The following ST6GALNAC1 variants were observed in gnomAD, a reference collection of about 807,000 sequenced individuals.
ST6GALNAC1 encodes the protein alpha-N-acetylgalactosaminide alpha-2,6-sialyltransferase 1.
In ST6GALNAC1, 45 loss-of-function variants were observed where a neutral mutation model predicts 56.8. The ratio of observed to expected loss-of-function variants is 0.79; its 90% CI spans 0.62 to 1.02. The LOEUF is 1.02. Ranked by LOEUF, ST6GALNAC1 falls within the 50% of genes least tolerant of loss-of-function variation. The probability of loss-of-function intolerance (pLI) is 0.00; values close to 1 mark genes in which losing one functional copy is unlikely to be tolerated. For missense variants in ST6GALNAC1, 743 were observed against 754.8 expected, an observed-to-expected ratio of 0.98 and a Z score of 0.18; for synonymous variants, 295 against 297.8, an observed-to-expected ratio of 0.99 and a Z score of 0.10.
At chr17:76,641,155 A>G (rs1023865242) in intron 1 of ST6GALNAC1, among the ~76,000 whole-genome samples, 1 of 152,180 alleles carries the variant, frequency 6.6e-6, no homozygotes, top group African/African-American at 2.4e-5. Context: ...CAATTGAGTA[A>G]CTGTCTTTGT....
chr17:76,642,060 A>C (rs963181292), intron 1 of ST6GALNAC1, among the ~76,000 whole-genome samples: 2 of 151,104 alleles, frequency 1.3e-5, no homozygotes, highest in Non-Finnish European at 2.9e-5. Flanking sequence ...ATATATACAT[A>C]TCTCTCATGC....
chr17:76,642,920 C>T (rs1221621703), intron 1 of ST6GALNAC1, among the ~76,000 whole-genome samples: 1 of 93,124 alleles, frequency 1.1e-5, no homozygotes, highest in Non-Finnish European at 2.0e-5. Flanking sequence ...GAGACTCCGT[C>T]TCAAAAAAAA....
rs1331837039 is a variant in ST6GALNAC1 at position 76,631,063 on chromosome 17, C to CTGTGTG, written c.132-1353_132-1352insCACACA. Among the ~76,000 whole-genome samples, 250 of 74,452 alleles carry CTGTGTG rather than the reference C, an allele frequency of 3.4e-3. 1 individual carries two copies. The highest frequency in any genetic ancestry group is 8.6e-3 in the African/African-American group (174 of 20,262). 48.8% of individuals were successfully genotyped at this position (74,452 alleles called of 152,430 possible). On this transcript the variant is annotated intron_variant, in intron 1 of 8. Coordinates refer to ENST00000156626, the MANE Select transcript of ST6GALNAC1 (RefSeq NM_018414.5). Reference sequence around the variant, plus strand: ...GCATGCACCACCATGCCCAGCTAATCTCTGTGTGTGTGTGTGTGTGTGTGT... The same window carrying CTGTGTG: ...GCATGCACCACCATGCCCAGCTAATCTGTGTGTCTGTGTGTGTGTGTGTGTGTGTGT...
At chr17:76,619,740 G>GTTTTTTTTTTT in the ST6GALNAC1 span, among the ~76,000 whole-genome samples, 2 of 101,586 alleles carry the variant, frequency 2.0e-5, no homozygotes, top group African/African-American at 7.8e-5. Context: ...AATAATGTTA[G>GTTTTTTTTTTT]TTTTTTTTTT....
chr17:76,629,920 T>A (rs2075868178), intron 1 of ST6GALNAC1, among the ~76,000 whole-genome samples: 1 of 151,476 alleles, frequency 6.6e-6, no homozygotes, highest in Admixed American at 6.6e-5. Flanking sequence ...GTAGCTGAGA[T>A]TACAGGCACC....
In ST6GALNAC1 at chr17:76,627,513, A is replaced by G; in HGVS notation, c.902T>C (p.Leu301Pro). ...LWLQKLFLPNLTLFLDSRHFN... is the reference protein window; with the variant it reads ...LWLQKLFLPNPTLFLDSRHFN... ...GTGTCTGGAGTCCAGGAAGAGAGTG[A>G]GGTTGGGCAGAAAGAGTTTCTGGAG... The change falls in exon 3 of 9, where the codon CTC becomes CCC. Residue 301 changes from leucine (L) to proline (P), a missense_variant. Transcript: ENST00000156626. This position sits in a 1 kb window ranked among gnomAD's most constrained non-coding sequence, Gnocchi z 4.4. The G allele has an allele frequency of 6.2e-7, 1 of 1,614,088 alleles. No individual in the cohort carries two copies. Among genetic ancestry groups the G allele is most frequent in the Non-Finnish European group, 8.5e-7 (1 of 1,179,990 alleles).
intron 1 of ST6GALNAC1, among the ~76,000 whole-genome samples, chr17:76,633,240 G>C (rs1179453322): frequency 1.3e-5 from 2 of 151,978 alleles, no homozygotes; most frequent in Non-Finnish European, 2.9e-5. Flanking sequence ...GCCAGGCGTG[G>C]TGGCTCACGC....
At chr17:76,630,620 C>T (rs1598297355) in intron 1 of ST6GALNAC1, among the ~76,000 whole-genome samples, 2 of 148,022 alleles carry the variant, frequency 1.4e-5, no homozygotes, top group South Asian at 4.3e-4. Flanking sequence ...GAGTCTGGCT[C>T]TGTCACCCAA....
Position 76,631,137 on chromosome 17 carries a change from T to C in ST6GALNAC1, c.132-1426A>G, listed in dbSNP as rs534469646. Among the ~76,000 whole-genome samples, 16 of 151,950 alleles carry C rather than the reference T, an allele frequency of 1.1e-4. No individual in the cohort carries two copies. The South Asian group carries it at 2.9e-3, about 28-fold the overall frequency. ...CACTTGTGTGTGTTTAGAGACTGGATCTCACTCTGTTACCCAGGCTGGTCT... is the reference window on the plus strand; with the variant it reads ...CACTTGTGTGTGTTTAGAGACTGGACCTCACTCTGTTACCCAGGCTGGTCT... On this transcript the variant is annotated intron_variant, in intron 1 of 8. Coordinates refer to ENST00000156626, the MANE Select transcript of ST6GALNAC1 (RefSeq NM_018414.5).
chr17:76,626,319 G>C lies in ST6GALNAC1; in HGVS notation c.1385C>G (p.Thr462Arg). ...EWLEALLMNQTVMSKNLFWFR... is the reference protein window; with the variant it reads ...EWLEALLMNQRVMSKNLFWFR... Reference sequence around the variant, plus strand: ...CCAGAAAAGGTTTTTTGACATCACCGTCTGATTCATAAGCAGTGCTTCCAG... The same window carrying C: ...CCAGAAAAGGTTTTTTGACATCACCCTCTGATTCATAAGCAGTGCTTCCAG... The change falls in exon 6 of 9, where the codon ACG becomes AGG. Residue 462 changes from threonine to arginine, a missense_variant. Physicochemically the swap from Thr to Arg is moderately conservative, Grantham distance 71 (BLOSUM62 -1). Transcript: ENST00000156626. 6.2e-7 allele frequency: 1 copy of C among 1,614,192 alleles called. No homozygotes were observed. Among genetic ancestry groups the C allele is most frequent in the Non-Finnish European group, 8.5e-7 (1 of 1,180,016 alleles).
chr17:76,617,810 A>G, the ST6GALNAC1 span, among the ~76,000 whole-genome samples: 1 of 152,144 alleles, frequency 6.6e-6, no homozygotes, highest in Non-Finnish European at 1.5e-5. Flanking sequence ...TGCTGGATGA[A>G]TAACTTCAGA....
Position 76,629,188 on chromosome 17 carries a change from C to T in ST6GALNAC1, c.655G>A (p.Val219Met), listed in dbSNP as rs369182233. 2.8e-5 allele frequency: 45 copies of T among 1,614,028 alleles called. No individual in the cohort carries two copies. The highest frequency in any genetic ancestry group is 3.6e-5 in the Non-Finnish European group (43 of 1,180,022). ...TTAGGTGGGATGACTGCTGTGGTCA[C>T]TCCTTTCTGTCTCGTCCTTGTTGAC... Reference protein sequence around the residue: ...AVSTRTRQKGVTTAVIPPKEK... With the variant: ...AVSTRTRQKGMTTAVIPPKEK... Residue 219 changes from valine (V) to methionine (M), a missense_variant, in exon 2 of 9, where the codon GTG (valine) becomes ATG (methionine). Physicochemically the swap from Val to Met is conservative, Grantham distance 21 (BLOSUM62 1). Coordinates refer to ENST00000156626, the MANE Select transcript of ST6GALNAC1 (RefSeq NM_018414.5).
chr17:76,642,193 T>C (rs893246591), intron 1 of ST6GALNAC1, among the ~76,000 whole-genome samples: 4 of 151,778 alleles, frequency 2.6e-5, no homozygotes, highest in South Asian at 2.1e-4. Context: ...TCTGCCTATC[T>C]CTCTATCTCT....
In ST6GALNAC1 at chr17:76,629,640, G is replaced by T; in HGVS notation, c.203C>A (p.Thr68Lys). 1 of 1,613,774 alleles carries T rather than the reference G, an allele frequency of 6.2e-7. No individual in the cohort carries two copies. Among genetic ancestry groups the T allele is most frequent in the South Asian group, 1.1e-5 (1 of 91,062 alleles). ...SLAKPKSQAPTRARRTTIYAE... is the reference protein window; with the variant it reads ...SLAKPKSQAPKRARRTTIYAE... ...ATAGATGGTTGTCCTCCTTGCCCTT[G>T]TGGGTGCCTGGGACTTAGGCTTTGC... is the stretch of plus-strand genomic sequence containing the variant. The change falls in exon 2 of 9, where the codon ACA becomes AAA. Residue 68 changes from threonine (T) to lysine (K), a missense_variant. Transcript: ENST00000156626.
chr17:76,625,437 T>C lies in ST6GALNAC1; in HGVS notation c.1696A>G (p.Asn566Asp), dbSNP rs1387822198. 2.2e-5 allele frequency: 35 copies of C among 1,614,156 alleles called. No homozygotes were observed. The highest frequency in any genetic ancestry group is 2.9e-5 in the Non-Finnish European group (34 of 1,180,030). ...TCTCTCTCCAGCTTGAAGTCATGGT[T>C]TATGTAAAAGATCAGCCGCTTCCAT... ...TSWKRLIFYI[N>D]HDFKLEREVW... The change falls in exon 9 of 9, where the codon AAC becomes GAC. Residue 566 changes from asparagine (N) to aspartate (D), a missense_variant. By Grantham distance (23) the Asn-to-Asp change is conservative. Coordinates refer to ENST00000156626, the MANE Select transcript of ST6GALNAC1 (RefSeq NM_018414.5).
chr17:76,633,056 A>G (rs1271035330), intron 1 of ST6GALNAC1, among the ~76,000 whole-genome samples: 1 of 149,906 alleles, frequency 6.7e-6, no homozygotes, highest in African/African-American at 2.5e-5. Flanking sequence ...AAATGCAAAA[A>G]AAATTAGTTT....
intron 1 of ST6GALNAC1, chr17:76,637,397 C>T (rs2075992377): frequency 8.2e-6 from 2 of 243,136 alleles, no homozygotes; most frequent in African/African-American, 2.3e-5. Context: ...AAGGGTCCCT[C>T]ATGTTGTCCT....
intron 1 of ST6GALNAC1, among the ~76,000 whole-genome samples, chr17:76,639,293 C>T (rs1427803287): frequency 6.6e-6 from 1 of 152,054 alleles, no homozygotes; most frequent in Non-Finnish European, 1.5e-5. Context: ...TAAGACAATG[C>T]CGGCCGGGTG....
intron 1 of ST6GALNAC1, among the ~76,000 whole-genome samples, chr17:76,631,561 G>C (rs140141419): frequency 6.6e-6 from 1 of 152,090 alleles, no homozygotes; most frequent in Non-Finnish European, 1.5e-5. Flanking sequence ...GCTCTCTAAG[G>C]CTTTGTCTCT....
Sources: gnomAD v4.1 joint callset for allele counts (sites outside exome capture counted in the v4.1 genomes callset) on GRCh38, gnomAD v4.1.1 for gene constraint, Gnocchi (gnomAD v3.1) non-coding constraint, MANE v1.5 for transcripts, NCBI Gene and HGNC (gene_info 2026-07-23, HGNC 2026-07-21) for gene names.